PLEKHA1: variants seen among roughly 807,000 people sequenced by gnomAD.
PLEKHA1 encodes the protein pleckstrin homology domain-containing family A member 1.
A neutral mutation model predicts 52.0 loss-of-function variants in PLEKHA1; 34 were observed. The observed-to-expected ratio is 0.65, with a 90% CI of 0.50 to 0.87. PLEKHA1 has a LOEUF of 0.87. Ranked by LOEUF, PLEKHA1 falls within the 40% of genes least tolerant of loss-of-function variation. The pLI is 0.00. For missense variants in PLEKHA1, 497 were observed against 504.2 expected, an observed-to-expected ratio of 0.99 and a Z score of 0.14; for synonymous variants, 163 against 170.7, an observed-to-expected ratio of 0.95 and a Z score of 0.35.
the PLEKHA1 span, chr10:122,438,612 G>A: frequency 6.6e-6 from 1 of 152,282 alleles, no homozygotes; most frequent in Non-Finnish European, 1.5e-5. Flanking sequence ...AGATGTCTAG[G>A]ATTGGGGAGA....
At chr10:122,398,077 G>C in intron 3 of PLEKHA1, 103 bp downstream of exon 3, 1 of 874,520 alleles carries the variant, frequency 1.1e-6, no homozygotes. Flanking sequence ...TAACAGTGAT[G>C]TTCAGATTCC....
rs887674823 is a variant in PLEKHA1, at chr10:122,429,926, C to T, written c.1203C>T (p.Val401=). The T allele has an allele frequency of 6.2e-7, 1 of 1,612,096 alleles. No homozygotes were observed. The highest frequency in any genetic ancestry group is 8.5e-7 in the Non-Finnish European group (1 of 1,178,832). The change falls in exon 12 of 12, where the codon GTC becomes GTT. Residue 401 remains valine, a synonymous_variant. Coordinates refer to ENST00000368990, the MANE Select transcript of PLEKHA1 (RefSeq NM_001001974.4). ...LVDLDDASLP[V]SDV ...ACTTGGACGATGCGAGCCTTCCGGT[C>T]AGTGACGTGTGAGGCAGAAGCGCAC...
chr10:122,432,402 A>G (rs1409513888), downstream of PLEKHA1: 1 of 152,198 alleles, frequency 6.6e-6, no homozygotes, highest in East Asian at 1.9e-4. Flanking sequence ...AGTAAATACA[A>G]TGATTAGGGG....
At chr10:122,391,766 TTATTAAAGAAA>T (rs1257152468) in intron 1 of PLEKHA1, among the ~76,000 whole-genome samples, 2 of 152,166 alleles carry the variant, frequency 1.3e-5, no homozygotes, top group African/African-American at 4.8e-5. Context: ...CATGGTAAAT[TTATTAAAGAAA>T]TTATTTCCTT....
rs1001607002 is a variant in PLEKHA1 at position 122,424,244 on chromosome 10, G to C, written c.727G>C (p.Val243Leu). The change falls in exon 9 of 12, where the codon GTC becomes CTC. Residue 243 changes from valine to leucine, a missense_variant. Coordinates refer to ENST00000368990, the MANE Select transcript of PLEKHA1 (RefSeq NM_001001974.4). Reference protein sequence around the residue: ...RVIPLKEVHKVQECKQSDIMM... With the variant: ...RVIPLKEVHKLQECKQSDIMM... ...AATACCACTTAAAGAGGTTCATAAAGTCCAGGAATGTAAGCAAAGGTAAGG... is the reference window on the plus strand; with the variant it reads ...AATACCACTTAAAGAGGTTCATAAACTCCAGGAATGTAAGCAAAGGTAAGG... 3.2e-6 allele frequency: 5 copies of C among 1,539,304 alleles called. No individual in the cohort carries two copies. The highest frequency in any genetic ancestry group is 4.4e-6 in the Non-Finnish European group (5 of 1,143,172).
At chr10:122,395,889 C>T (rs76794721) in intron 2 of PLEKHA1, among the ~76,000 whole-genome samples, 42 of 152,072 alleles carry the variant, frequency 2.8e-4, no homozygotes, top group African/African-American at 9.9e-4. Flanking sequence ...TGAAGATATT[C>T]GAAAAAGTAT....
At chr10:122,440,669 T>C in the PLEKHA1 span, 1 of 152,248 alleles carries the variant, frequency 6.6e-6, no homozygotes, top group Non-Finnish European at 1.5e-5. Flanking sequence ...TCTTAAACTT[T>C]GGCCTAGTAA....
At chr10:122,376,814 G>A (rs1431862334) in intron 1 of PLEKHA1, among the ~76,000 whole-genome samples, 2 of 152,130 alleles carry the variant, frequency 1.3e-5, no homozygotes, top group African/African-American at 4.8e-5. Context: ...AGTGTTTAAG[G>A]ATGTTAAGAA....
At chr10:122,407,282 T>A (rs2097032562) in intron 5 of PLEKHA1, among the ~76,000 whole-genome samples, 1 of 152,194 alleles carries the variant, frequency 6.6e-6, no homozygotes, top group African/African-American at 2.4e-5. Context: ...CTTGCCCTCC[T>A]TTCCCATGCT....
In PLEKHA1 at chr10:122,396,479, C is replaced by T. The variant is rs10400157; in HGVS notation, c.142-1439C>T. On this transcript the variant is annotated intron_variant, in intron 2 of 11. Transcript: ENST00000368990. ...GATGATTTATATTTGGAAGCTTGTA[C>T]GTAGTATATAGTTTAAAGCAGAACA... is the stretch of plus-strand genomic sequence containing the variant. Among the ~76,000 whole-genome samples the T allele has an allele frequency of 4.0e-5, 6 of 151,702 alleles. No homozygotes were observed. In the South Asian group the frequency reaches 6.2e-4, roughly 16 times the overall value.
At chr10:122,424,711 A>G (rs2133529928) in intron 9 of PLEKHA1, among the ~76,000 whole-genome samples, 185 bp from the exon 10 acceptor site, 1 of 152,356 alleles carries the variant, frequency 6.6e-6, no homozygotes, top group East Asian at 1.9e-4. Flanking sequence ...ACTTTTTCTA[A>G]AAGTGAAACT....
intron 5 of PLEKHA1, chr10:122,411,917 C>A (rs144186919): frequency 2.6e-5 from 4 of 152,180 alleles, no homozygotes; most frequent in Non-Finnish European, 4.4e-5. Flanking sequence ...CAAGGTTCCA[C>A]GTGCCCTTTA....
chr10:122,421,595 C>T (rs1050212207), intron 8 of PLEKHA1: 1 of 151,828 alleles, frequency 6.6e-6, no homozygotes, highest in African/African-American at 2.4e-5. Flanking sequence ...GTTCTTTATG[C>T]TGTATTTTCA....
intron 5 of PLEKHA1, among the ~76,000 whole-genome samples, chr10:122,407,167 C>T (rs921621496): frequency 8.5e-5 from 13 of 152,186 alleles, no homozygotes; most frequent in East Asian, 7.7e-4. Context: ...TGAAGGGTTG[C>T]GGCAGCCAGA....
At chr10:122,383,804 T>C (rs2096650284) in intron 1 of PLEKHA1, among the ~76,000 whole-genome samples, 1 of 152,230 alleles carries the variant, frequency 6.6e-6, no homozygotes, top group Non-Finnish European at 1.5e-5. Context: ...TTTTTGTTTT[T>C]ATTTTTAAAG....
chr10:122,413,206 A>G (rs1334426569), intron 6 of PLEKHA1, among the ~76,000 whole-genome samples, 161 bp downstream of exon 6: 2 of 152,184 alleles, frequency 1.3e-5, no homozygotes, highest in East Asian at 3.8e-4. Flanking sequence ...AAAAATTTGG[A>G]AATTACATAA....
intron 8 of PLEKHA1, chr10:122,421,914 T>C (rs1384080718): frequency 8.9e-6 from 1 of 111,764 alleles, no homozygotes; most frequent in African/African-American, 3.5e-5. Context: ...TCAGGAACCC[T>C]TGGTGATGTG....
At chr10:122,391,816 C>T (rs1003523088) in intron 1 of PLEKHA1, among the ~76,000 whole-genome samples, 2 of 151,508 alleles carry the variant, frequency 1.3e-5, no homozygotes, top group African/African-American at 4.9e-5. Flanking sequence ...AGAACAATAA[C>T]AGCAACAACA....
chr10:122,425,140 G>A, intron 10 of PLEKHA1, 181 bp downstream of exon 10: 1 of 418,072 alleles, frequency 2.4e-6, no homozygotes, highest in African/African-American at 2.0e-5. Context: ...TGTTCAGGAA[G>A]TGGGAGTATT....
Sources: allele counts gnomAD v4.1 joint callset (sites outside exome capture counted in the v4.1 genomes callset), GRCh38; gene constraint gnomAD v4.1.1; transcripts MANE v1.5; gene names NCBI Gene and HGNC (gene_info 2026-07-23, HGNC 2026-07-21).